PRKG1: variants seen among roughly 807,000 people sequenced by gnomAD.
PRKG1 encodes cGMP-dependent protein kinase 1.
In PRKG1, 35 loss-of-function variants were observed where a neutral mutation model predicts 88.1. The observed-to-expected ratio is 0.40, with a 90% CI of 0.30 to 0.53. The LOEUF (loss-of-function observed/expected upper bound fraction) is 0.53, where lower values mean the gene tolerates loss of function less well. Ranked by LOEUF, PRKG1 falls within the 20% of genes least tolerant of loss-of-function variation. The pLI, the probability that PRKG1 is intolerant of heterozygous loss-of-function variation, is 0.59. For missense variants in PRKG1, 540 were observed against 839.8 expected, an observed-to-expected ratio of 0.64 and a Z score of 4.41; for synonymous variants, 303 against 292.5, an observed-to-expected ratio of 1.04 and a Z score of -0.37.
At chr10:51,271,150 T>TTGTAATAAATG (rs1839968840) in intron 2 of PRKG1, among the ~76,000 whole-genome samples, 1 of 152,206 alleles carries the variant, frequency 6.6e-6, no homozygotes, top group Non-Finnish European at 1.5e-5. Flanking sequence ...ATGTCTACAC[T>TTGTAATAAATG]TGTAATAAAT....
chr10:51,926,444 T>C (rs10508955), intron 5 of PRKG1, among the ~76,000 whole-genome samples: 34,258 of 152,058 alleles, frequency 0.23, 6,844 homozygotes, highest in African/African-American at 0.54. Flanking sequence ...ATGAGGATTG[T>C]TATTTGTACC....
chr10:51,878,905 C>T (rs181704874), intron 4 of PRKG1, among the ~76,000 whole-genome samples: 12 of 152,326 alleles, frequency 7.9e-5, no homozygotes, highest in African/African-American at 2.6e-4. Context: ...ATTTGAGTCA[C>T]TTATTTAAGA....
At chr10:51,557,936 A>C (rs1479212346) in intron 3 of PRKG1, among the ~76,000 whole-genome samples, 1 of 152,132 alleles carries the variant, frequency 6.6e-6, no homozygotes, top group Admixed American at 6.6e-5. Context: ...AAAAATCAAT[A>C]GAAATATTGG....
At chr10:51,411,462 C>T (rs866207228) in intron 2 of PRKG1, among the ~76,000 whole-genome samples, 6 of 152,122 alleles carry the variant, frequency 3.9e-5, no homozygotes, top group Admixed American at 2.0e-4. Flanking sequence ...CGTTTCTACC[C>T]ACTGCTTTTG....
chr10:51,344,832 G>T (rs1286449199), intron 2 of PRKG1, among the ~76,000 whole-genome samples: 1 of 152,128 alleles, frequency 6.6e-6, no homozygotes. Flanking sequence ...AACAAGTCAA[G>T]GTAATTGCTT....
At chr10:51,313,611 T>A (rs953301814) in intron 2 of PRKG1, among the ~76,000 whole-genome samples, 1 of 152,212 alleles carries the variant, frequency 6.6e-6, no homozygotes, top group Non-Finnish European at 1.5e-5. Flanking sequence ...AAATGCTTCT[T>A]GATTCTGACT....
chr10:52,081,080 A>G (rs1402167931), intron 7 of PRKG1, among the ~76,000 whole-genome samples: 1 of 152,212 alleles, frequency 6.6e-6, no homozygotes, highest in Non-Finnish European at 1.5e-5. Context: ...TCAACACACC[A>G]CTTGCAAACA....
intron 2 of PRKG1, among the ~76,000 whole-genome samples, chr10:51,274,878 A>T (rs1840074494): frequency 6.6e-6 from 1 of 152,244 alleles, no homozygotes; most frequent in Admixed American, 6.5e-5. Flanking sequence ...AGGGGAGTAC[A>T]AACACATGGA....
intron 3 of PRKG1, among the ~76,000 whole-genome samples, chr10:51,546,137 T>C (rs1240760098): frequency 6.6e-6 from 1 of 152,126 alleles, no homozygotes; most frequent in African/African-American, 2.4e-5. Flanking sequence ...TTCATGAGTT[T>C]ATTTTAAAGT....
intron 1 of PRKG1, among the ~76,000 whole-genome samples, chr10:51,042,096 A>G (rs2132759262): frequency 6.6e-6 from 1 of 152,236 alleles, no homozygotes; most frequent in African/African-American, 2.4e-5. Context: ...TCATTTTGAC[A>G]GGAACTCTCC....
At chr10:51,837,927 A>G (rs1228717996) in intron 4 of PRKG1, among the ~76,000 whole-genome samples, 1 of 152,116 alleles carries the variant, frequency 6.6e-6, no homozygotes, top group Non-Finnish European at 1.5e-5. Flanking sequence ...TTGGGCTATC[A>G]TAGTAGAGAG....
At chr10:51,291,280 C>T (rs1283043272) in intron 2 of PRKG1, among the ~76,000 whole-genome samples, 1 of 152,072 alleles carries the variant, frequency 6.6e-6, no homozygotes, top group African/African-American at 2.4e-5. Flanking sequence ...TAGTGGTTTT[C>T]CTACCTGTAG....
At chr10:51,596,342 C>T (rs1838447551) in intron 3 of PRKG1, among the ~76,000 whole-genome samples, 1 of 152,108 alleles carries the variant, frequency 6.6e-6, no homozygotes, top group Non-Finnish European at 1.5e-5. Context: ...TATGGTATCA[C>T]CTTCTTCTCA....
chr10:51,085,359 C>T (rs561599395), intron 1 of PRKG1, among the ~76,000 whole-genome samples: 27 of 152,218 alleles, frequency 1.8e-4, no homozygotes, highest in African/African-American at 5.8e-4. Context: ...TATTAAACAT[C>T]TGAAAGTGAC....
At chr10:51,100,821 T>C (rs1844661230) in intron 1 of PRKG1, among the ~76,000 whole-genome samples, 1 of 152,168 alleles carries the variant, frequency 6.6e-6, no homozygotes, top group Non-Finnish European at 1.5e-5. Context: ...GACTTATGAA[T>C]CTTGCAAGCA....
At chr10:51,995,710 A>G (rs1481133602) in intron 5 of PRKG1, among the ~76,000 whole-genome samples, 1 of 152,194 alleles carries the variant, frequency 6.6e-6, no homozygotes, top group Non-Finnish European at 1.5e-5. Flanking sequence ...CTCTACCAGT[A>G]AATGCCTGTG....
chr10:51,309,695 A>G (rs766183497), intron 2 of PRKG1, among the ~76,000 whole-genome samples: 17 of 152,184 alleles, frequency 1.1e-4, no homozygotes, highest in Admixed American at 2.6e-4. Context: ...AGATTTCTCA[A>G]ATAACTACAA....
chr10:51,250,642 T>C (rs1839403076), intron 2 of PRKG1, among the ~76,000 whole-genome samples: 1 of 151,810 alleles, frequency 6.6e-6, no homozygotes, highest in Admixed American at 6.6e-5. Context: ...TTTTTCAGCT[T>C]AGAAAAGCAC....
chr10:51,010,996 G>A (rs1030999146), intron 1 of PRKG1, among the ~76,000 whole-genome samples: 6 of 152,158 alleles, frequency 3.9e-5, no homozygotes, highest in Admixed American at 6.6e-5. Flanking sequence ...GAGATTTGAA[G>A]GCACAGGGGT....
Sources: gnomAD v4.1 joint callset for allele counts (sites outside exome capture counted in the v4.1 genomes callset) on GRCh38, gnomAD v4.1.1 for gene constraint, MANE v1.5 for transcripts, NCBI Gene and HGNC (gene_info 2026-07-23, HGNC 2026-07-21) for gene names.